CACNA1E: variants seen among roughly 807,000 people sequenced by gnomAD.
CACNA1E encodes voltage-dependent R-type calcium channel subunit alpha-1E.
CACNA1E carries 40 observed loss-of-function variants against 259.2 expected under a neutral mutation model. The ratio of observed to expected loss-of-function variants is 0.15; its 90% CI spans 0.12 to 0.20. The LOEUF (loss-of-function observed/expected upper bound fraction) is 0.20, where lower values mean the gene tolerates loss of function less well. CACNA1E is among the 10% of genes least tolerant of loss of function. The pLI is 1.00. For missense variants in CACNA1E, 1,874 were observed against 3,040.1 expected, an observed-to-expected ratio of 0.62 and a Z score of 9.02; for synonymous variants, 1,104 against 1,138.5, an observed-to-expected ratio of 0.97 and a Z score of 0.61.
intron 7 of CACNA1E, among the ~76,000 whole-genome samples, chr1:181,686,275 G>GTTTTTTTTT (rs66526388): frequency 1.7e-5 from 1 of 58,632 alleles, no homozygotes; most frequent in Non-Finnish European, 3.2e-5. Context: ...TAAGAACCAA[G>GTTTTTTTTT]TTTTTTTTTT....
At chr1:181,336,919 C>T (rs35378179) in intron 1 of CACNA1E, among the ~76,000 whole-genome samples, 15,576 of 124,438 alleles carry the variant, frequency 0.13, 1,075 homozygotes, top group Middle Eastern at 0.21. Flanking sequence ...TATATTACAT[C>T]TATATAATGT....
intron 2 of CACNA1E, among the ~76,000 whole-genome samples, chr1:181,416,942 C>A (rs148224983): frequency 6.6e-6 from 1 of 152,206 alleles, no homozygotes; most frequent in East Asian, 1.9e-4. Context: ...ATGTAGATGA[C>A]CCTTCCTGCA....
intron 7 of CACNA1E, among the ~76,000 whole-genome samples, chr1:181,691,277 C>G (rs1292353232): frequency 6.6e-6 from 1 of 151,672 alleles, no homozygotes; most frequent in Non-Finnish European, 1.5e-5. Context: ...AGATATTGTA[C>G]ATATTTGGTC....
chr1:181,580,364 A>G (rs1020138418), intron 5 of CACNA1E, among the ~76,000 whole-genome samples: 10 of 152,144 alleles, frequency 6.6e-5, no homozygotes, highest in African/African-American at 2.4e-4. Flanking sequence ...GCAGGGGACT[A>G]TGTGGAGGAG....
At position 181,793,746 on chromosome 1, in the gene CACNA1E, G is replaced by C. The variant is rs760087470; in HGVS notation, c.5980G>C (p.Gly1994Arg). Residue 1994 changes from glycine to arginine, a missense_variant, in exon 45 of 48, where the codon GGA becomes CGA. Physicochemically the swap from Gly to Arg is moderately radical, Grantham distance 125. Around this residue, in one of 14 missense-constraint regions of CACNA1E, gnomAD observed 542 missense variants for 587.2 expected, o/e 0.92. Transcript: ENST00000367573. ...YLPSDTQEHA[G>R]SGRASSMPRL... Reference sequence around the variant, plus strand: ...TCCTTCGGACACCCAGGAGCATGCGGGATCTGGGAGGGCATCTTCTATGCC... The same window carrying C: ...TCCTTCGGACACCCAGGAGCATGCGCGATCTGGGAGGGCATCTTCTATGCC... The C allele has an allele frequency of 6.2e-7, 1 of 1,611,764 alleles. No homozygotes were observed. The highest frequency in any genetic ancestry group is 1.1e-5 in the South Asian group (1 of 90,660).
At chr1:181,355,556 C>A (rs1409862934) in intron 1 of CACNA1E, among the ~76,000 whole-genome samples, 1 of 151,972 alleles carries the variant, frequency 6.6e-6, no homozygotes, top group East Asian at 1.9e-4. Flanking sequence ...CCAATACAAC[C>A]CAGTCTGGGT....
chr1:181,723,872 A>G (rs1654640750), intron 16 of CACNA1E, among the ~76,000 whole-genome samples: 3 of 152,188 alleles, frequency 2.0e-5, no homozygotes. Flanking sequence ...GAACCTCCAC[A>G]TGTTCAGCTA....
At chr1:181,642,776 G>A (rs777249528) in intron 6 of CACNA1E, among the ~76,000 whole-genome samples, 1 of 152,168 alleles carries the variant, frequency 6.6e-6, no homozygotes, top group Non-Finnish European at 1.5e-5. Context: ...AAAGCAAAGC[G>A]GGATCCCAGC....
At chr1:181,537,288 A>G (rs929580378) in intron 3 of CACNA1E, among the ~76,000 whole-genome samples, 1 of 151,702 alleles carries the variant, frequency 6.6e-6, no homozygotes, top group African/African-American at 2.4e-5. Flanking sequence ...TAGTAGAGAC[A>G]GGGTTTCACC....
intron 7 of CACNA1E, among the ~76,000 whole-genome samples, chr1:181,681,573 T>C (rs1394925351): frequency 6.6e-6 from 1 of 152,080 alleles, no homozygotes; most frequent in African/African-American, 2.4e-5. Context: ...ATAGCTATTT[T>C]CCTAAAAATA....
intron 3 of CACNA1E, among the ~76,000 whole-genome samples, chr1:181,531,861 C>G (rs1667809258): frequency 6.6e-6 from 1 of 152,162 alleles, no homozygotes; most frequent in African/African-American, 2.4e-5. Context: ...TTGAGACCAG[C>G]CTGGCCAACA....
rs115413760 is a variant in CACNA1E, at chr1:181,778,784, T to A, written c.5267+2556T>A. On this transcript the variant is annotated intron_variant, in intron 38 of 47. Transcript: ENST00000367573. ...GGGAGAGTGTCCATGGCTTCCTCCC[T>A]GGCTGCTCTCTGAACACAGACCTCA... Among the ~76,000 whole-genome samples the A allele has an allele frequency of 6.5e-3, 989 of 152,286 alleles. 9 individuals are homozygous for A. Among genetic ancestry groups the A allele is most frequent in the African/African-American group, 0.023 (959 of 41,544 alleles).
intron 17 of CACNA1E, among the ~76,000 whole-genome samples, chr1:181,724,883 G>A (rs928691321): frequency 2.0e-5 from 3 of 152,202 alleles, no homozygotes; most frequent in South Asian, 2.1e-4. Flanking sequence ...TGCAACCTGC[G>A]GCTGTGTGAC....
chr1:181,590,401 CAAAAA>C (rs397861970), intron 6 of CACNA1E, among the ~76,000 whole-genome samples: 3 of 118,634 alleles, frequency 2.5e-5, no homozygotes, highest in African/African-American at 6.5e-5. Flanking sequence ...GAGTCAATTA[CAAAAA>C]AAAAAAAAAA....
intron 43 of CACNA1E, 140 bp from the exon 44 acceptor site, chr1:181,790,305 T>TTTAA (rs2102868462): frequency 6.1e-6 from 3 of 492,302 alleles, no homozygotes; most frequent in Admixed American, 7.7e-5. Flanking sequence ...TTTTTTTTTT[T>TTTAA]TTAATTTCAG....
intron 1 of CACNA1E, among the ~76,000 whole-genome samples, chr1:181,352,430 A>G (rs1297378667): frequency 2.0e-5 from 3 of 152,184 alleles, no homozygotes; most frequent in Non-Finnish European, 2.9e-5. Context: ...GGAGTTAAAT[A>G]ATTATGAGAC....
At chr1:181,607,683 A>C (rs761967913) in intron 6 of CACNA1E, among the ~76,000 whole-genome samples, 1 of 152,168 alleles carries the variant, frequency 6.6e-6, no homozygotes, top group Admixed American at 6.5e-5. Context: ...TTTATGTCAA[A>C]TACTTTGAAA....
At chr1:181,329,346 G>T (rs939938032) in intron 1 of CACNA1E, among the ~76,000 whole-genome samples, 1 of 152,096 alleles carries the variant, frequency 6.6e-6, no homozygotes, top group Admixed American at 6.5e-5. Context: ...AGCTCCACAA[G>T]GAAGCCTGCA....
rs61813935 is a variant in CACNA1E at position 181,345,363 on chromosome 1, G to A, written c.-15+27240G>A. ...AATTTGAGTGACAGGAAACACTGGC[G>A]GATGAAGGGCTGGCTGCACATGGAA... On this transcript the variant is annotated intron_variant, in intron 1 of 11. Coordinates refer to the CACNA1E transcript ENST00000524607. Among the ~76,000 whole-genome samples, 495 of 152,334 alleles carry A rather than the reference G, an allele frequency of 3.2e-3. 3 individuals carry two copies. The highest frequency in any genetic ancestry group is 3.5e-3 in the Non-Finnish European group (240 of 68,032).
Sources: allele counts gnomAD v4.1 joint callset (sites outside exome capture counted in the v4.1 genomes callset), GRCh38; gene constraint gnomAD v4.1.1; regional missense constraint gnomAD v4.1.1; transcripts MANE v1.5; gene names NCBI Gene and HGNC (gene_info 2026-07-23, HGNC 2026-07-21).